Variants in RERE observed in about 807,000 individuals in gnomAD.
RERE encodes the protein arginine-glutamic acid dipeptide repeats protein.
In RERE, 40 loss-of-function variants were observed where a neutral mutation model predicts 146.1. That is an observed-to-expected ratio of 0.27 (90% CI 0.21 to 0.36). The LOEUF (loss-of-function observed/expected upper bound fraction) is 0.36, where lower values mean the gene tolerates loss of function less well. RERE is among the 10% of genes least tolerant of loss of function. The pLI is 1.00. For missense variants in RERE, 1,933 were observed against 2,138.7 expected (o/e 0.90, Z 1.90); for synonymous variants, 1,003 against 866.0 (o/e 1.16, Z -2.78).
chr1:8,362,642 G>A (rs1641629579), intron 16 of RERE, 41 bp downstream of exon 16: 4 of 1,613,210 alleles, frequency 2.5e-6, no homozygotes, highest in East Asian at 2.2e-5. Context: ...TTAATGTGAG[G>A]GAGGGACAGA....
At chr1:8,635,947 TTTATCTTATCTTATC>T (rs779134387) in intron 2 of RERE, among the ~76,000 whole-genome samples, 5 of 108,350 alleles carry the variant, frequency 4.6e-5, no homozygotes, top group Non-Finnish European at 1.2e-4. Context: ...ATTATTTTAT[TTTATCTTATCTTATC>T]TTATCTTATC....
chr1:8,803,059 G>C (rs1641616105), intron 1 of RERE, among the ~76,000 whole-genome samples: 1 of 152,080 alleles, frequency 6.6e-6, no homozygotes, highest in African/African-American at 2.4e-5. Context: ...GAATTTATAA[G>C]TTATATTTTA....
At chr1:8,687,122 T>C (rs1639107136) in intron 1 of RERE, among the ~76,000 whole-genome samples, 1 of 152,156 alleles carries the variant, frequency 6.6e-6, no homozygotes, top group Admixed American at 6.5e-5. Context: ...TGTATCTGTT[T>C]TAAGATTGGA....
chr1:8,708,467 A>C (rs570803186), intron 1 of RERE, among the ~76,000 whole-genome samples: 1 of 152,236 alleles, frequency 6.6e-6, no homozygotes, highest in Admixed American at 6.5e-5. Flanking sequence ...GCTGGGGACT[A>C]CAGGTGTGTG....
intron 1 of RERE, among the ~76,000 whole-genome samples, chr1:8,795,050 C>T (rs184498446): frequency 1.3e-5 from 2 of 152,152 alleles, no homozygotes; most frequent in East Asian, 1.9e-4. Context: ...CCCCGCAAGA[C>T]GGAGTCTTGC....
intron 4 of RERE, among the ~76,000 whole-genome samples, chr1:8,588,860 A>G (rs1646458822): frequency 6.6e-6 from 1 of 152,194 alleles, no homozygotes; most frequent in Non-Finnish European, 1.5e-5. Flanking sequence ...ACAGTGGCTC[A>G]TGCCTGTAAT....
intron 6 of RERE, among the ~76,000 whole-genome samples, chr1:8,542,840 G>T (rs907482592): frequency 1.2e-4 from 19 of 152,236 alleles, no homozygotes; most frequent in Admixed American, 1.1e-3. Context: ...TAACAATGCT[G>T]TTGATATAAA....
chr1:8,566,280 T>C (rs1378663505), intron 4 of RERE, among the ~76,000 whole-genome samples: 1 of 152,110 alleles, frequency 6.6e-6, no homozygotes, highest in Non-Finnish European at 1.5e-5. Flanking sequence ...AACTCCCATT[T>C]CTAAAATACC....
Position 8,423,989 on chromosome 1 carries a change from G to GT in RERE, c.1204-1183dup, listed in dbSNP as rs995490066. 3.3e-5 allele frequency: 5 copies of GT among 151,938 alleles called. No homozygotes were observed. The highest frequency in any genetic ancestry group is 2.6e-4 in the Admixed American group (4 of 15,260). The allele number at this position is 151,938 out of a possible 1,614,324, so 9.4% of individuals were successfully genotyped here. On this transcript the variant is annotated intron_variant, in intron 11 of 22. Coordinates refer to ENST00000400908, the MANE Select transcript of RERE (RefSeq NM_001042681.2). This position sits in a 1 kb window ranked among gnomAD's most constrained non-coding sequence, Gnocchi z 5.4. ...TTCCGGACAGGAGAACATCAAGGCG[G>GT]TAAAGCACAGAAACTTCCTCCCTAC...
At chr1:8,632,584 A>G (rs1647047917) in intron 2 of RERE, among the ~76,000 whole-genome samples, 1 of 152,232 alleles carries the variant, frequency 6.6e-6, no homozygotes, top group Non-Finnish European at 1.5e-5. Context: ...CTGATTGTAC[A>G]GTAAATGGAA....
chr1:8,529,456 A>C (rs1485362946), intron 7 of RERE, among the ~76,000 whole-genome samples: 1 of 82,014 alleles, frequency 1.2e-5, no homozygotes, highest in South Asian at 3.5e-4. Context: ...CACCCAACTA[A>C]ATTTTTTAAT....
At position 8,600,266 on chromosome 1, in the gene RERE, G is replaced by T. The variant is rs1028261589; in HGVS notation, c.522+14295C>A. On this transcript the variant is annotated intron_variant, in intron 4 of 22. Transcript: ENST00000400908. ...CCTTTATAAAAATCACCCAGTCTCC[G>T]TATGTCTTAATTAGTGGCCTGAGAA... 2.0e-5 allele frequency among the ~76,000 whole-genome samples: 3 copies of T among 152,236 alleles called. No homozygotes were observed. In the South Asian group the frequency reaches 6.2e-4, roughly 32 times the overall value.
intron 2 of RERE, among the ~76,000 whole-genome samples, chr1:8,655,457 C>T (rs902101965): frequency 2.0e-5 from 3 of 152,188 alleles, no homozygotes; most frequent in African/African-American, 7.2e-5. Context: ...CCACCCGCCT[C>T]AGCCTCCCAA....
At chr1:8,656,736 A>G (rs745862687) in intron 1 of RERE, among the ~76,000 whole-genome samples, 1 of 152,232 alleles carries the variant, frequency 6.6e-6, no homozygotes, top group African/African-American at 2.4e-5. Flanking sequence ...ATACCCTGGT[A>G]GACAACATAT....
chr1:8,592,331 G>A (rs1435067154), intron 4 of RERE, among the ~76,000 whole-genome samples: 1 of 151,926 alleles, frequency 6.6e-6, no homozygotes, highest in Non-Finnish European at 1.5e-5. Flanking sequence ...GTGCGATGCT[G>A]TAATCTTGGC....
chr1:8,391,767 G>C (rs573867161), intron 12 of RERE, among the ~76,000 whole-genome samples: 3 of 152,162 alleles, frequency 2.0e-5, no homozygotes, highest in African/African-American at 7.2e-5. Flanking sequence ...CGGGCATGGT[G>C]GCTCACGCCT....
At chr1:8,376,168 A>T (rs1642242523) in intron 12 of RERE, among the ~76,000 whole-genome samples, 1 of 152,176 alleles carries the variant, frequency 6.6e-6, no homozygotes, top group Non-Finnish European at 1.5e-5. Flanking sequence ...AGCCATCTAG[A>T]TTTTTTTAAG....
chr1:8,591,808 A>G (rs1387394408), intron 4 of RERE, among the ~76,000 whole-genome samples: 1 of 152,220 alleles, frequency 6.6e-6, no homozygotes, highest in Non-Finnish European at 1.5e-5. Flanking sequence ...TGCCAAATGC[A>G]CTGCTTTCTT....
chr1:8,369,689 A>G (rs187942213), intron 12 of RERE, among the ~76,000 whole-genome samples: 115 of 152,132 alleles, frequency 7.6e-4, no homozygotes, highest in African/African-American at 2.5e-3. Flanking sequence ...TCAAACCACG[A>G]TATCTACCAA....
Sources: allele counts gnomAD v4.1 joint callset (sites outside exome capture counted in the v4.1 genomes callset), GRCh38; gene constraint gnomAD v4.1.1; non-coding constraint Gnocchi (gnomAD v3.1); transcripts MANE v1.5; gene names NCBI Gene and HGNC (gene_info 2026-07-23, HGNC 2026-07-21).